The following INSL6 variants were observed in gnomAD, a reference collection of about 807,000 sequenced individuals.
The protein encoded by INSL6 is insulin like 6, also known as insulin-like peptide INSL6.
INSL6 carries 16 observed loss-of-function variants against 9.4 expected under a neutral mutation model. The ratio of observed to expected loss-of-function variants is 1.70; its 90% confidence interval spans 1.15 to 2.59. The LOEUF is 2.59. Ranked by LOEUF, INSL6 falls within the 30% of genes most tolerant of loss-of-function variation. The pLI is 0.00. For synonymous variants in INSL6, 154 were observed against 96.9 expected, an observed-to-expected ratio of 1.59 and a Z score of -3.46; for missense variants, 391 against 257.3, an observed-to-expected ratio of 1.52 and a Z score of -3.56.
the INSL6 span, among the ~76,000 whole-genome samples, chr9:5,038,499 T>A: frequency 6.6e-6 from 1 of 151,612 alleles, no homozygotes; most frequent in East Asian, 1.9e-4. Context: ...ATGTTGTAGG[T>A]AGAAAATCAA....
chr9:5,164,017 G>C lies in INSL6; in HGVS notation c.538C>G (p.Leu180Val), dbSNP rs952307781. The change falls in exon 2 of 2, where the codon CTT becomes GTT. Residue 180 changes from leucine to valine, a missense_variant. Transcript: ENST00000381641. ...KRRGYSEKCCLTGCTKEELSI... is the reference protein window; with the variant it reads ...KRRGYSEKCCVTGCTKEELSI... ...AGTTCTTCTTTTGTACATCCTGTAA[G>C]ACAACACTTTTCTGAATATCCTCTG... 8 of 1,613,508 alleles carry C rather than the reference G, an allele frequency of 5.0e-6. No individual in the cohort carries two copies. Among genetic ancestry groups the C allele is most frequent in the Non-Finnish European group, 6.8e-6 (8 of 1,179,748 alleles).
intron 2 of INSL6, among the ~76,000 whole-genome samples, chr9:5,138,454 C>A (rs1239828688): frequency 6.6e-6 from 1 of 152,126 alleles, no homozygotes; most frequent in African/African-American, 2.4e-5. Flanking sequence ...AAGCTAGAAA[C>A]CATCATTCTC....
At chr9:5,028,688 A>G in the INSL6 span, among the ~76,000 whole-genome samples, 3 of 152,186 alleles carry the variant, frequency 2.0e-5, no homozygotes, top group South Asian at 6.2e-4. Flanking sequence ...CCTCTCCATC[A>G]ACACTTGCTG....
At chr9:4,996,477 T>A in the INSL6 span, among the ~76,000 whole-genome samples, 1 of 151,830 alleles carries the variant, frequency 6.6e-6, no homozygotes, top group South Asian at 2.1e-4. Context: ...TAAATAAAAA[T>A]AAATACATAA....
the INSL6 span, among the ~76,000 whole-genome samples, chr9:4,995,452 T>C: frequency 6.6e-6 from 1 of 152,372 alleles, no homozygotes; most frequent in Non-Finnish European, 1.5e-5. Context: ...AGATATAAGA[T>C]GGGACGCAAC....
chr9:5,185,305 G>A lies in INSL6; in HGVS notation c.289+9C>T, dbSNP rs753893786. On this transcript the variant is annotated intron_variant, in intron 1 of 1. Coordinates refer to ENST00000381641, the MANE Select transcript of INSL6 (RefSeq NM_007179.3). Reference sequence around the variant, plus strand: ...GGTGAACAAACATGCCTTCGGTTTCGATTTTTACCTGGGTTTGTGCCTCTT... The same window carrying A: ...GGTGAACAAACATGCCTTCGGTTTCAATTTTTACCTGGGTTTGTGCCTCTT... The A allele has an allele frequency of 5.6e-6, 9 of 1,613,994 alleles. No individual in the cohort carries two copies. The highest frequency in any genetic ancestry group is 2.2e-5 in the East Asian group (1 of 44,866).
At chr9:5,048,716 GA>G in the INSL6 span, among the ~76,000 whole-genome samples, 1 of 151,988 alleles carries the variant, frequency 6.6e-6, no homozygotes. Context: ...TTTATTAATA[GA>G]AAAGCAAATA....
the INSL6 span, among the ~76,000 whole-genome samples, chr9:5,002,961 C>T: frequency 6.6e-6 from 1 of 151,902 alleles, no homozygotes; most frequent in Non-Finnish European, 1.5e-5. Context: ...TATGAATAAC[C>T]AGTTGACTAA....
At chr9:5,098,139 G>T in the INSL6 span, 2 of 152,118 alleles carry the variant, frequency 1.3e-5, no homozygotes, top group Non-Finnish European at 2.9e-5. Context: ...AATTTAGAGT[G>T]ACTTTATGGC....
the INSL6 span, chr9:5,110,956 GAGCTCAGTA>G: frequency 1.7e-6 from 1 of 596,596 alleles, no homozygotes; most frequent in Non-Finnish European, 3.1e-6. Context: ...CACGGACAAG[GAGCTCAGTA>G]ACCTGGACTT....
At chr9:5,133,002 C>T (rs1824320655) in intron 3 of INSL6, among the ~76,000 whole-genome samples, 1 of 152,050 alleles carries the variant, frequency 6.6e-6, no homozygotes, top group South Asian at 2.1e-4. Context: ...GTATGTTGGA[C>T]CTGGGGTAGT....
chr9:5,074,495 G>A, the INSL6 span, among the ~76,000 whole-genome samples: 5 of 152,074 alleles, frequency 3.3e-5, no homozygotes, highest in African/African-American at 1.2e-4. Flanking sequence ...TCTGTGATCA[G>A]TAATCTTTAA....
At chr9:5,068,006 A>G in the INSL6 span, among the ~76,000 whole-genome samples, 1 of 152,074 alleles carries the variant, frequency 6.6e-6, no homozygotes, top group Non-Finnish European at 1.5e-5. Context: ...CCAAAATTAC[A>G]AAAATTAGCT....
chr9:5,079,324 A>C, the INSL6 span, among the ~76,000 whole-genome samples: 11,660 of 152,186 alleles, frequency 0.077, 1,300 homozygotes, highest in African/African-American at 0.25. Context: ...AAGTAGGGTT[A>C]TATTGCTTCT....
At chr9:5,042,124 CTTTTTTTTTTTTTT>C in the INSL6 span, among the ~76,000 whole-genome samples, 1 of 107,612 alleles carries the variant, frequency 9.3e-6, no homozygotes, top group South Asian at 3.0e-4. Flanking sequence ...GCCAAAATTT[CTTTTTTTTTTTTTT>C]TTTTTTTTTT....
chr9:5,040,626 CAACTT>C, the INSL6 span, among the ~76,000 whole-genome samples: 9 of 152,244 alleles, frequency 5.9e-5, no homozygotes, highest in African/African-American at 1.7e-4. Flanking sequence ...AAGACAATGA[CAACTT>C]AATTTAAAAA....
chr9:5,019,104 A>T, the INSL6 span, among the ~76,000 whole-genome samples: 21 of 152,276 alleles, frequency 1.4e-4, no homozygotes, highest in South Asian at 1.0e-3. Context: ...ATCTCTTGAT[A>T]TACTTGGGTA....
At chr9:5,065,918 A>T in the INSL6 span, among the ~76,000 whole-genome samples, 1 of 152,198 alleles carries the variant, frequency 6.6e-6, no homozygotes, top group African/African-American at 2.4e-5. Flanking sequence ...TTATTTAGTA[A>T]TGAATATTGT....
chr9:5,098,696 C>CCTT, the INSL6 span: 1 of 151,418 alleles, frequency 6.6e-6, no homozygotes, highest in East Asian at 1.9e-4. Context: ...AGCTTCAATT[C>CCTT]CTTTTTTTTT....
Sources: gnomAD v4.1 joint callset for allele counts (sites outside exome capture counted in the v4.1 genomes callset) on GRCh38, gnomAD v4.1.1 for gene constraint, MANE v1.5 for transcripts, NCBI Gene and HGNC (gene_info 2026-07-23, HGNC 2026-07-21) for gene names.